Variants in USP4 observed in about 807,000 individuals in gnomAD.
The protein encoded by USP4 is ubiquitin carboxyl-terminal hydrolase 4.
Under a neutral mutation model 118.2 loss-of-function variants are expected in USP4, and 72 were observed. The ratio of observed to expected loss-of-function variants is 0.61; its 90% CI spans 0.50 to 0.74. USP4 has a LOEUF of 0.74. USP4 is among the 30% of genes least tolerant of loss of function. The probability of loss-of-function intolerance (pLI) is 0.00; values close to 1 mark genes in which losing one functional copy is unlikely to be tolerated. For synonymous variants in USP4, 415 were observed against 440.4 expected, an observed-to-expected ratio of 0.94 and a Z score of 0.72; for missense variants, 1,037 against 1,185.7, an observed-to-expected ratio of 0.87 and a Z score of 1.84.
chr3:49,289,325 A>G (rs1178176712), intron 15 of USP4, among the ~76,000 whole-genome samples: 1 of 152,140 alleles, frequency 6.6e-6, no homozygotes, highest in Non-Finnish European at 1.5e-5. Context: ...GTAATTGCAG[A>G]TCTGTGAAGC....
At chr3:49,325,924 C>A in intron 3 of USP4, 79 bp from the exon 4 acceptor site, 1 of 1,541,534 alleles carries the variant, frequency 6.5e-7, no homozygotes, top group South Asian at 1.2e-5. Context: ...TTATCAGAAG[C>A]AAAAAGCAGA....
At chr3:49,338,041 T>C (rs1210216314) in intron 1 of USP4, among the ~76,000 whole-genome samples, 1 of 75,034 alleles carries the variant, frequency 1.3e-5, no homozygotes, top group East Asian at 5.1e-4. Context: ...CGAGACTTCG[T>C]CTCAAAAAAA....
In USP4 at chr3:49,305,870, GTGCAGTGT is replaced by G; in HGVS notation, c.965_972del (p.Asn322ThrfsTer4). 6.2e-7 allele frequency: 1 copy of G among 1,613,650 alleles called. No homozygotes were observed. The highest frequency in any genetic ancestry group is 2.2e-5 in the East Asian group (1 of 44,874). ...TCTTTGAGAAAGTAGTCAGTCAGTG[GTGCAGTGT>G]TGCTCAAACACTGAAACAGAACATG... On this transcript the variant is annotated frameshift_variant, in exon 9 of 22. Coordinates refer to ENST00000265560, the MANE Select transcript of USP4 (RefSeq NM_003363.4). LOFTEE classifies it high-confidence loss of function.
intron 18 of USP4, 37 bp downstream of exon 18, chr3:49,284,429 C>A: frequency 6.5e-7 from 1 of 1,547,064 alleles, no homozygotes; most frequent in Non-Finnish European, 8.9e-7. Context: ...TCCTGGGGTG[C>A]ATGGGGCCTC....
At chr3:49,320,645 T>C (rs1395097570) in intron 6 of USP4, among the ~76,000 whole-genome samples, 1 of 152,162 alleles carries the variant, frequency 6.6e-6, no homozygotes, top group African/African-American at 2.4e-5. Context: ...ATCTGAGAGT[T>C]TGTCTTTAGT....
chr3:49,294,458 T>C lies in USP4; in HGVS notation c.1832A>G (p.Lys611Arg), dbSNP rs1234804912. 6.2e-7 allele frequency: 1 copy of C among 1,614,200 alleles called. No individual in the cohort carries two copies. The highest frequency in any genetic ancestry group is 8.5e-7 in the Non-Finnish European group (1 of 1,180,030). ...CAAAGACTCAAGGGTTAACTTGTGC[T>C]TGGGGACAGAAAGCAATAGTGGCTG... ...YGQPLLLSVPKHKLTLESLYQ... is the reference protein window; with the variant it reads ...YGQPLLLSVPRHKLTLESLYQ... Residue 611 changes from lysine (K) to arginine (R), a missense_variant, in exon 14 of 22, where the codon AAG becomes AGG. Around this residue, in one of 3 missense-constraint regions of USP4, gnomAD observed 522 missense variants for 592.6 expected, o/e 0.88. Coordinates refer to ENST00000265560, the MANE Select transcript of USP4 (RefSeq NM_003363.4).
At chr3:49,297,155 A>G (rs1215163052) in intron 13 of USP4, among the ~76,000 whole-genome samples, 2 of 152,186 alleles carry the variant, frequency 1.3e-5, no homozygotes, top group Non-Finnish European at 2.9e-5. Context: ...AGTGAGAGGT[A>G]AAGAGGGAGG....
chr3:49,295,964 AATGGGATTACC>A (rs2107775902), intron 13 of USP4, among the ~76,000 whole-genome samples: 1 of 152,288 alleles, frequency 6.6e-6, no homozygotes, highest in African/African-American at 2.4e-5. Context: ...TTCGGTGGAC[AATGGGATTACC>A]CACTTTAAAA....
At chr3:49,301,328 A>G (rs969417921) in intron 10 of USP4, among the ~76,000 whole-genome samples, 1 of 152,180 alleles carries the variant, frequency 6.6e-6, no homozygotes, top group Non-Finnish European at 1.5e-5. Flanking sequence ...AAGCCCGGAG[A>G]ACACTATCGG....
chr3:49,311,023 GTTA>G (rs2107787907), intron 7 of USP4, among the ~76,000 whole-genome samples: 1 of 152,302 alleles, frequency 6.6e-6, no homozygotes, highest in African/African-American at 2.4e-5. Flanking sequence ...GACCATTTTA[GTTA>G]TTAAGAGCTT....
chr3:49,330,334 A>ACT (rs1056656509), intron 2 of USP4, among the ~76,000 whole-genome samples: 1 of 150,770 alleles, frequency 6.6e-6, no homozygotes, highest in African/African-American at 2.5e-5. Context: ...TGGAGCAGTA[A>ACT]CTTTTTTTTT....
intron 11 of USP4, among the ~76,000 whole-genome samples, chr3:49,299,765 A>G (rs2047246451): frequency 6.6e-6 from 1 of 152,176 alleles, no homozygotes; most frequent in Non-Finnish European, 1.5e-5. Flanking sequence ...AGCCATCAGC[A>G]GGGTAAGACA....
At chr3:49,282,986 G>C (rs976226861) in intron 19 of USP4, among the ~76,000 whole-genome samples, 3 of 144,642 alleles carry the variant, frequency 2.1e-5, no homozygotes, top group Admixed American at 7.0e-5. Flanking sequence ...GGGATTACAG[G>C]TGTGAGCCAC....
intron 10 of USP4, 34 bp downstream of exon 10, chr3:49,302,350 G>T: frequency 6.2e-7 from 1 of 1,604,928 alleles, no homozygotes. Flanking sequence ...AGCTTCTTTG[G>T]CATATTATCA....
rs961446932 is a variant in USP4 at position 49,277,274 on chromosome 3, TCAGA to T, written c.*1015_*1018del. The T allele has an allele frequency of 1.6e-6, 2 of 1,277,654 alleles. No individual in the cohort carries two copies. The highest frequency in any genetic ancestry group is 3.0e-5 in the African/African-American group (2 of 65,594). 79.1% of individuals were successfully genotyped at this position (1,277,654 alleles called of 1,614,324 possible). On this transcript the variant is annotated 3_prime_UTR_variant, in exon 22 of 22. Coordinates refer to ENST00000265560, the MANE Select transcript of USP4 (RefSeq NM_003363.4). ...AAACCCCCACGGATTAGGTTGAAGG[TCAGA>T]CAAAAAATCCCGGACCCATACGTCC...
chr3:49,331,048 G>A (rs555361161), intron 2 of USP4, among the ~76,000 whole-genome samples: 6 of 151,820 alleles, frequency 4.0e-5, no homozygotes, highest in African/African-American at 7.2e-5. Context: ...GAGGCCGGGC[G>A]TGGTGGCTCA....
intron 10 of USP4, among the ~76,000 whole-genome samples, chr3:49,301,863 G>A (rs2047266186): frequency 1.3e-5 from 2 of 152,042 alleles, no homozygotes; most frequent in Non-Finnish European, 1.5e-5. Context: ...AGATAATCAA[G>A]GCAAAAGGTA....
intron 6 of USP4, among the ~76,000 whole-genome samples, chr3:49,314,858 C>CTATT (rs964935991): frequency 2.6e-5 from 4 of 151,960 alleles, no homozygotes; most frequent in African/African-American, 9.7e-5. Context: ...GACCCTGTCT[C>CTATT]TATTTATTTA....
intron 11 of USP4, among the ~76,000 whole-genome samples, chr3:49,299,431 C>T (rs1326058959): frequency 4.5e-4 from 67 of 147,642 alleles, no homozygotes; most frequent in Non-Finnish European, 6.7e-4. Flanking sequence ...CTCGCTCTGT[C>T]GCCCAGGCTG....
Sources: gnomAD v4.1 joint callset for allele counts (sites outside exome capture counted in the v4.1 genomes callset) on GRCh38, gnomAD v4.1.1 for gene constraint, gnomAD v4.1.1 regional missense constraint, MANE v1.5 for transcripts, NCBI Gene and HGNC (gene_info 2026-07-23, HGNC 2026-07-21) for gene names.